The following TUB variants were observed in gnomAD, a reference collection of about 807,000 sequenced individuals.
The protein encoded by TUB is tubby protein homolog.
A neutral mutation model predicts 59.7 loss-of-function variants in TUB; 33 were observed. The observed-to-expected ratio is 0.55, with a 90% CI of 0.42 to 0.74. The LOEUF (loss-of-function observed/expected upper bound fraction) is 0.74. TUB is among the 30% of genes least tolerant of loss of function. TUB has a pLI of 0.00. For synonymous variants in TUB, 293 were observed against 256.4 expected, an observed-to-expected ratio of 1.14 and a Z score of -1.36; for missense variants, 659 against 672.0, an observed-to-expected ratio of 0.98 and a Z score of 0.21.
At chr11:8,098,053 G>A (rs1589984526) in intron 8 of TUB, among the ~76,000 whole-genome samples, 1 of 152,300 alleles carries the variant, frequency 6.6e-6, no homozygotes, top group Middle Eastern at 3.4e-3. Context: ...CCCAGGAGGT[G>A]GGTGCAGGCC....
intron 1 of TUB, among the ~76,000 whole-genome samples, chr11:8,081,805 A>G (rs777355547): frequency 3.4e-4 from 52 of 152,268 alleles, no homozygotes; most frequent in Non-Finnish European, 6.6e-4. Flanking sequence ...AGGCAGCACC[A>G]TGTGGCCGCC....
At chr11:8,093,880 A>G (rs1468174766) in intron 3 of TUB, among the ~76,000 whole-genome samples, 166 bp from the exon 4 acceptor site, 1 of 152,124 alleles carries the variant, frequency 6.6e-6, no homozygotes, top group African/African-American at 2.4e-5. Flanking sequence ...TTTGCCTAGT[A>G]GAGATGAGTG....
At chr11:8,073,818 C>T (rs1472339094) in intron 2 of TUB, among the ~76,000 whole-genome samples, 6 of 152,226 alleles carry the variant, frequency 3.9e-5, no homozygotes, top group Admixed American at 6.5e-5. Context: ...GAACCTTCCC[C>T]GGGTCAGAGA....
chr11:8,035,907 G>C (rs1343562408), upstream of TUB: 1 of 152,328 alleles, frequency 6.6e-6, no homozygotes, highest in Non-Finnish European at 1.5e-5. Flanking sequence ...CGCTGAAGTA[G>C]ACATGGATGC....
intron 1 of TUB, among the ~76,000 whole-genome samples, chr11:8,026,949 A>G (rs933844612): frequency 6.6e-6 from 1 of 152,170 alleles, no homozygotes. Flanking sequence ...TCTCTCAGTC[A>G]TATTTGTAGC....
upstream of TUB, chr11:8,076,917 T>C (rs1467215354): frequency 6.6e-6 from 1 of 152,206 alleles, no homozygotes; most frequent in Admixed American, 6.5e-5. Flanking sequence ...TTTCAGACAT[T>C]GTAAGCCTAT....
At chr11:8,098,641 C>T in intron 8 of TUB, 117 bp from the exon 9 acceptor site, 1 of 735,788 alleles carries the variant, frequency 1.4e-6, no homozygotes, top group South Asian at 1.8e-5. Flanking sequence ...CCTCCCTGGG[C>T]CTGCTCCTGT....
Position 8,095,576 on chromosome 11 carries a change from C to A in TUB, c.476C>A (p.Ser159Ter). The A allele has an allele frequency of 6.2e-7, 1 of 1,613,202 alleles. No individual in the cohort carries two copies. The stretch of plus-strand genomic sequence containing the variant: ...GTGCAGATTCTGACTGTGGGCCAGT[C>A]AGACCACGCCCAGGACGCAGGGGAG... ...GPVQILTVGQ[S>*]DHAQDAGETA... Residue 159 changes from serine (S) to a stop codon, truncating the protein, a stop_gained, in exon 5 of 12, where the codon TCA (serine) becomes TAA (stop). Transcript: ENST00000299506. LOFTEE classifies it high-confidence loss of function.
intron 1 of TUB, among the ~76,000 whole-genome samples, chr11:8,021,886 A>G (rs997446458): frequency 1.3e-5 from 2 of 150,074 alleles, no homozygotes; most frequent in Admixed American, 1.3e-4. Flanking sequence ...ACTGGACTCT[A>G]GCCTGGGCAA....
chr11:8,086,920 C>G (rs924449161), intron 1 of TUB, among the ~76,000 whole-genome samples: 6 of 152,220 alleles, frequency 3.9e-5, no homozygotes, highest in Non-Finnish European at 8.8e-5. Flanking sequence ...AGTCCTTTCT[C>G]CCTGTTATCT....
At position 8,101,973 on chromosome 11, in the gene TUB, C is replaced by G; in HGVS notation, c.*354C>G. 3.5e-6 allele frequency: 1 copy of G among 287,544 alleles called. No individual in the cohort carries two copies. Among genetic ancestry groups the G allele is most frequent in the Non-Finnish European group, 6.6e-6 (1 of 150,904 alleles). The allele number at this position is 287,544 out of a possible 1,614,324, so 17.8% of individuals were successfully genotyped here. On this transcript the variant is annotated 3_prime_UTR_variant, in exon 12 of 12. Coordinates refer to ENST00000299506, the MANE Select transcript of TUB (RefSeq NM_177972.3). ...GCAAGAGGCATAGAGGGAGAGGAAG[C>G]ACACTGCAGGGCTGCTGTGGCCCAG...
chr11:8,074,739 CTTTTTTTTTT>C (rs1157516500), intron 2 of TUB, among the ~76,000 whole-genome samples: 1 of 60,616 alleles, frequency 1.6e-5, no homozygotes, highest in Non-Finnish European at 2.9e-5. Context: ...GACCTCGTGT[CTTTTTTTTTT>C]TTTTTTTTTT....
At chr11:8,027,737 ACTC>A (rs527959991) in intron 1 of TUB, among the ~76,000 whole-genome samples, 65 of 151,512 alleles carry the variant, frequency 4.3e-4, no homozygotes, top group Non-Finnish European at 6.5e-4. Context: ...CTGGTCTTGA[ACTC>A]CTGACCTCAA....
At chr11:8,038,843 T>C (rs1564898835) in exon 1 of TUB, 1 of 1,609,254 alleles carries the variant, frequency 6.2e-7, no homozygotes. Context: ...AGTGGGACCA[T>C]CCCTTAAACC....
chr11:8,096,576 TG>T, intron 5 of TUB, 108 bp from the exon 6 acceptor site: 3 of 760,894 alleles, frequency 3.9e-6, no homozygotes, highest in Non-Finnish European at 7.1e-6. Flanking sequence ...CATAAGTTTG[TG>T]GGGGTACAGG....
At chr11:8,019,858 T>C (rs1192082509) in intron 1 of TUB, among the ~76,000 whole-genome samples, 1 of 152,006 alleles carries the variant, frequency 6.6e-6, no homozygotes, top group African/African-American at 2.4e-5. Context: ...GACCCGCGAG[T>C]CGCTGCCTGT....
intron 2 of TUB, chr11:8,069,363 C>T (rs1943312589): frequency 1.4e-5 from 2 of 145,180 alleles, no homozygotes; most frequent in South Asian, 4.4e-4. Context: ...TGATTTTACA[C>T]TCTCATTTTT....
intron 2 of TUB, among the ~76,000 whole-genome samples, chr11:8,070,565 A>G (rs1943343149): frequency 6.6e-6 from 1 of 152,174 alleles, no homozygotes; most frequent in African/African-American, 2.4e-5. Context: ...ATGTGCAATA[A>G]TATAAACCAT....
intron 2 of TUB, among the ~76,000 whole-genome samples, chr11:8,069,730 C>T (rs572733106): frequency 5.6e-4 from 85 of 151,964 alleles, no homozygotes; most frequent in African/African-American, 1.6e-3. Context: ...TAATCTATAC[C>T]TGGGTTATCT....
Sources: gnomAD v4.1 joint callset for allele counts (sites outside exome capture counted in the v4.1 genomes callset) on GRCh38, gnomAD v4.1.1 for gene constraint, MANE v1.5 for transcripts, NCBI Gene and HGNC (gene_info 2026-07-23, HGNC 2026-07-21) for gene names.